The following GSK3B variants were observed in gnomAD, a reference collection of about 807,000 sequenced individuals.
The protein encoded by GSK3B is glycogen synthase kinase 3 beta, also known as glycogen synthase kinase-3 beta.
GSK3B carries 15 observed loss-of-function variants against 56.4 expected under a neutral mutation model. The ratio of observed to expected loss-of-function variants is 0.27; its 90% CI spans 0.18 to 0.41. The LOEUF (loss-of-function observed/expected upper bound fraction) is 0.41. GSK3B is among the 10% of genes least tolerant of loss of function. The pLI, the probability that GSK3B is intolerant of heterozygous loss-of-function variation, is 1.00. For synonymous variants in GSK3B, 181 were observed against 188.9 expected (o/e 0.96, Z 0.34); for missense variants, 300 against 513.4 (o/e 0.58, Z 4.02).
intron 2 of GSK3B, among the ~76,000 whole-genome samples, chr3:119,966,341 T>C (rs1407103586): frequency 6.6e-6 from 1 of 152,220 alleles, no homozygotes; most frequent in Non-Finnish European, 1.5e-5. Flanking sequence ...AATATTTCTT[T>C]ACAGATTAAA....
intron 10 of GSK3B, among the ~76,000 whole-genome samples, chr3:119,831,255 G>A (rs1399226431): frequency 1.3e-5 from 2 of 152,076 alleles, no homozygotes; most frequent in Non-Finnish European, 2.9e-5. Flanking sequence ...AGATTTCCTA[G>A]CAAAAGAAGA....
chr3:119,899,790 G>A lies in GSK3B; in HGVS notation c.813+5965C>T, dbSNP rs1203686825. On this transcript the variant is annotated intron_variant, in intron 7 of 10. Coordinates refer to ENST00000264235, the MANE Select transcript of GSK3B (RefSeq NM_001146156.2). Reference sequence around the variant, plus strand: ...AATCAACATCACATAGTAGTAAAAAGCAAAAAATAAAAATTCTCTCCTTTT... The same window carrying A: ...AATCAACATCACATAGTAGTAAAAAACAAAAAATAAAAATTCTCTCCTTTT... Among the ~76,000 whole-genome samples, 3 of 151,904 alleles carry A rather than the reference G, an allele frequency of 2.0e-5. No individual in the cohort carries two copies. In the East Asian group the frequency reaches 5.8e-4, roughly 29 times the overall value.
At chr3:119,894,211 T>C (rs977582162) in intron 7 of GSK3B, among the ~76,000 whole-genome samples, 2 of 152,168 alleles carry the variant, frequency 1.3e-5, no homozygotes, top group Non-Finnish European at 2.9e-5. Flanking sequence ...TTTTTGGCTA[T>C]ATAACATTGC....
At chr3:120,081,738 G>A (rs2058421348) in intron 1 of GSK3B, among the ~76,000 whole-genome samples, 1 of 152,146 alleles carries the variant, frequency 6.6e-6, no homozygotes, top group Non-Finnish European at 1.5e-5. Context: ...GCTCCACACT[G>A]CAGAAAATAC....
intron 1 of GSK3B, chr3:120,029,333 TC>T (rs2057956030): frequency 1.3e-6 from 1 of 745,060 alleles, no homozygotes; most frequent in African/African-American, 1.7e-5. Flanking sequence ...TCGCATCTAA[TC>T]CAGCCTCAAA....
At chr3:119,875,609 C>T (rs2056303121) in intron 8 of GSK3B, among the ~76,000 whole-genome samples, 1 of 151,592 alleles carries the variant, frequency 6.6e-6, no homozygotes, top group African/African-American at 2.4e-5. Flanking sequence ...CACTTTGAAT[C>T]TTTGGTCAGA....
intron 1 of GSK3B, among the ~76,000 whole-genome samples, chr3:120,075,765 T>C (rs1049095392): frequency 5.3e-5 from 8 of 152,164 alleles, no homozygotes; most frequent in African/African-American, 1.9e-4. Flanking sequence ...TCCATGCTCA[T>C]GGATCAAAAG....
intron 1 of GSK3B, among the ~76,000 whole-genome samples, chr3:120,030,606 T>C (rs2057967212): frequency 6.6e-6 from 1 of 152,230 alleles, no homozygotes; most frequent in African/African-American, 2.4e-5. Flanking sequence ...CAGGACTTTT[T>C]CACATGATGT....
intron 7 of GSK3B, among the ~76,000 whole-genome samples, chr3:119,900,421 G>C (rs1225793140): frequency 7.2e-5 from 11 of 151,898 alleles, no homozygotes; most frequent in Admixed American, 2.0e-4. Flanking sequence ...ACAAATGGTT[G>C]GTTTATTTTT....
intron 5 of GSK3B, among the ~76,000 whole-genome samples, chr3:119,915,207 T>A (rs1170708345): frequency 6.6e-6 from 1 of 152,142 alleles, no homozygotes; most frequent in Non-Finnish European, 1.5e-5. Flanking sequence ...TTGATGAAAT[T>A]TGCAGGAAAA....
chr3:119,928,612 TAAAAAAAAAA>T (rs1160252679), intron 3 of GSK3B, among the ~76,000 whole-genome samples: 1 of 67,036 alleles, frequency 1.5e-5, no homozygotes. Context: ...ATCAAAAAAA[TAAAAAAAAAA>T]AAAAAAAAAA....
chr3:120,015,148 T>C (rs1429479329), intron 1 of GSK3B, among the ~76,000 whole-genome samples: 1 of 152,196 alleles, frequency 6.6e-6, no homozygotes, highest in Non-Finnish European at 1.5e-5. Flanking sequence ...GTTACACAGT[T>C]GTTGTTTTTT....
intron 3 of GSK3B, among the ~76,000 whole-genome samples, chr3:119,927,624 C>T (rs1258465685): frequency 6.6e-6 from 1 of 152,006 alleles, no homozygotes; most frequent in African/African-American, 2.4e-5. Flanking sequence ...TCTCAGAACA[C>T]TTTGAGTAGT....
chr3:119,949,398 T>C (rs1455195376), intron 2 of GSK3B, among the ~76,000 whole-genome samples: 1 of 152,132 alleles, frequency 6.6e-6, no homozygotes, highest in Non-Finnish European at 1.5e-5. Flanking sequence ...GTAAGAACCA[T>C]GTGAAGATCT....
At chr3:119,895,429 T>C (rs994593689) in intron 7 of GSK3B, among the ~76,000 whole-genome samples, 3 of 99,430 alleles carry the variant, frequency 3.0e-5, no homozygotes, top group East Asian at 3.0e-4. Context: ...GTCTTCAGGA[T>C]AGATTACCTA....
chr3:119,867,118 C>T (rs1440239625), intron 8 of GSK3B, among the ~76,000 whole-genome samples: 6 of 152,056 alleles, frequency 3.9e-5, no homozygotes, highest in Non-Finnish European at 8.8e-5. Context: ...TCCAGTTACA[C>T]AGTATAAACA....
chr3:119,916,429 C>T (rs1196599231), intron 4 of GSK3B, among the ~76,000 whole-genome samples: 1 of 152,076 alleles, frequency 6.6e-6, no homozygotes, highest in Non-Finnish European at 1.5e-5. Context: ...GAAAATTTTA[C>T]AATGTGCTTT....
rs1018745434 is a variant in GSK3B at position 119,889,276 on chromosome 3, C to T, written c.814-12768G>A. Among the ~76,000 whole-genome samples the T allele has an allele frequency of 3.9e-5, 6 of 152,066 alleles. 1 individual carries two copies. Among genetic ancestry groups the T allele is most frequent in the Non-Finnish European group, 8.8e-5 (6 of 67,992 alleles). ...AAATTCCTCTCTTTGTACTCTTTCT[C>T]TTTATTTCTCAGCCAGCCGACACTC... On this transcript the variant is annotated intron_variant, in intron 7 of 10. Coordinates refer to ENST00000264235, the MANE Select transcript of GSK3B (RefSeq NM_001146156.2).
chr3:120,074,444 C>T (rs535694644), intron 1 of GSK3B, among the ~76,000 whole-genome samples: 33 of 151,464 alleles, frequency 2.2e-4, no homozygotes, highest in African/African-American at 6.3e-4. Context: ...TTCCACCTCC[C>T]GGGTTCAAGC....
Sources: gnomAD v4.1 joint callset for allele counts (sites outside exome capture counted in the v4.1 genomes callset) on GRCh38, gnomAD v4.1.1 for gene constraint, MANE v1.5 for transcripts, NCBI Gene and HGNC (gene_info 2026-07-23, HGNC 2026-07-21) for gene names.